Variants in TTC6 observed in about 807,000 individuals in gnomAD.
TTC6 encodes the protein tetratricopeptide repeat domain 6.
Under a neutral mutation model 210.4 loss-of-function variants are expected in TTC6, and 172 were observed. The observed-to-expected ratio is 0.82, with a 90% CI of 0.72 to 0.93. The LOEUF is 0.93. TTC6 is among the 40% of genes least tolerant of loss of function. TTC6 has a pLI of 0.00. For missense variants in TTC6, 2,414 were observed against 2,318.1 expected, an observed-to-expected ratio of 1.04 and a Z score of -0.85; for synonymous variants, 804 against 819.6, an observed-to-expected ratio of 0.98 and a Z score of 0.32.
exon 27 of TTC6, chr14:37,823,915 A>G: frequency 6.2e-7 from 1 of 1,613,996 alleles, no homozygotes; most frequent in East Asian, 2.2e-5. Context: ...ATATTAATCC[A>G]GCATACATAA....
intron 5 of TTC6, among the ~76,000 whole-genome samples, chr14:37,706,649 A>G (rs1380442213): frequency 2.6e-5 from 4 of 152,128 alleles, no homozygotes; most frequent in Non-Finnish European, 4.4e-5. Flanking sequence ...TGAAAGGGTT[A>G]GAACTAAATT....
At chr14:37,729,711 C>T (rs1272181767) in intron 7 of TTC6, among the ~76,000 whole-genome samples, 1 of 152,184 alleles carries the variant, frequency 6.6e-6, no homozygotes, top group East Asian at 1.9e-4. Context: ...CCCCTGCCTA[C>T]TCCTGCACCT....
chr14:37,721,271 G>A lies in TTC6; in HGVS notation c.1714-3627G>A, dbSNP rs2138805365. Among the ~76,000 whole-genome samples, 3 of 152,054 alleles carry A rather than the reference G, an allele frequency of 2.0e-5. 1 individual carries two copies. The Middle Eastern group carries it at 0.01, about 521-fold the overall frequency. The stretch of plus-strand genomic sequence containing the variant: ...ACTTTGAATGGCTCTTTTACTCATG[G>A]ATTATTTCAAATAACATCACACATT... On this transcript the variant is annotated intron_variant, in intron 6 of 30. Coordinates refer to ENST00000553443, the Ensembl canonical transcript of TTC6.
chr14:37,751,158 T>C, exon 13 of TTC6: 1 of 1,532,650 alleles, frequency 6.5e-7, no homozygotes, highest in Non-Finnish European at 8.7e-7. Flanking sequence ...GATGCTGATA[T>C]CTATTTCAGG....
intron 14 of TTC6, among the ~76,000 whole-genome samples, chr14:37,783,339 T>G (rs548074468): frequency 7.3e-4 from 111 of 152,310 alleles, no homozygotes; most frequent in African/African-American, 2.5e-3. Context: ...GGATTCAATT[T>G]CTTCCTGGTT....
chr14:37,629,145 A>G (rs145043987), intron 1 of TTC6, among the ~76,000 whole-genome samples: 13 of 152,294 alleles, frequency 8.5e-5, no homozygotes, highest in Admixed American at 8.5e-4. Flanking sequence ...CTTTGAAGAA[A>G]GTCAGTGGTA....
chr14:37,643,549 A>G (rs2095696154), intron 1 of TTC6, among the ~76,000 whole-genome samples: 3 of 152,086 alleles, frequency 2.0e-5, no homozygotes, highest in Admixed American at 6.6e-5. Context: ...CAGCATACTC[A>G]TCATCAGATT....
chr14:37,674,718 T>C (rs2095765186), intron 1 of TTC6, among the ~76,000 whole-genome samples: 1 of 152,174 alleles, frequency 6.6e-6, no homozygotes, highest in Non-Finnish European at 1.5e-5. Context: ...ATTTGACTTA[T>C]AAATTAATGG....
At chr14:37,674,265 C>A (rs1197891493) in intron 1 of TTC6, among the ~76,000 whole-genome samples, 1 of 151,976 alleles carries the variant, frequency 6.6e-6, no homozygotes, top group Non-Finnish European at 1.5e-5. Context: ...GTCTGAATAA[C>A]TCTACAGATT....
intron 14 of TTC6, among the ~76,000 whole-genome samples, chr14:37,785,179 G>A (rs933627380): frequency 4.6e-5 from 7 of 152,120 alleles, no homozygotes; most frequent in African/African-American, 1.7e-4. Context: ...GCCTTGCTAG[G>A]TTGGGGAAGT....
chr14:37,742,584 AT>A (rs35369139), intron 10 of TTC6, among the ~76,000 whole-genome samples: 194 of 145,904 alleles, frequency 1.3e-3, no homozygotes, highest in African/African-American at 3.6e-3. Flanking sequence ...TAATTTTTGC[AT>A]TTTTTTTTTT....
upstream of TTC6, among the ~76,000 whole-genome samples, chr14:37,618,159 A>G (rs148590700): frequency 1.4e-4 from 22 of 152,344 alleles, no homozygotes; most frequent in African/African-American, 4.3e-4. Context: ...CAGGAGAAAT[A>G]GACACAACTG....
chr14:37,762,927 C>A (rs1240997566), intron 14 of TTC6, among the ~76,000 whole-genome samples: 1 of 146,230 alleles, frequency 6.8e-6, no homozygotes, highest in African/African-American at 2.6e-5. Flanking sequence ...GTTCCCCAGG[C>A]AGGCTGGAGT....
At chr14:37,630,812 T>G (rs2095667982) in intron 1 of TTC6, among the ~76,000 whole-genome samples, 1 of 152,032 alleles carries the variant, frequency 6.6e-6, no homozygotes, top group Non-Finnish European at 1.5e-5. Flanking sequence ...TCTTGTTGCA[T>G]TGATCCCTTT....
intron 1 of TTC6, among the ~76,000 whole-genome samples, chr14:37,652,618 A>G (rs975205595): frequency 6.6e-6 from 1 of 152,108 alleles, no homozygotes. Context: ...ACCTTTTTAC[A>G]CCTCTCATTT....
At chr14:37,731,932 T>G (rs558570522) in intron 7 of TTC6, among the ~76,000 whole-genome samples, 1 of 152,248 alleles carries the variant, frequency 6.6e-6, no homozygotes, top group South Asian at 2.1e-4. Context: ...ATTGTATGCT[T>G]AATTTTTTGC....
intron 1 of TTC6, among the ~76,000 whole-genome samples, chr14:37,600,013 T>C (rs2095612582): frequency 6.6e-6 from 1 of 152,210 alleles, no homozygotes; most frequent in Non-Finnish European, 1.5e-5. Flanking sequence ...GTCTCTGCTC[T>C]GTGCTGCTGA....
chr14:37,709,825 GA>G (rs913953741), intron 5 of TTC6, among the ~76,000 whole-genome samples: 1 of 151,446 alleles, frequency 6.6e-6, no homozygotes, highest in Non-Finnish European at 1.5e-5. Flanking sequence ...AGATTTCAAA[GA>G]AAAAAATTAT....
chr14:37,751,240 A>G lies in TTC6; in HGVS notation c.3129+15A>G, dbSNP rs556177644. ...ACTTTTCGAAAGTAAGCTTTATCACATATAATTCTACCATTTATATAGTTT... is the reference window on the plus strand; with the variant it reads ...ACTTTTCGAAAGTAAGCTTTATCACGTATAATTCTACCATTTATATAGTTT... On this transcript the variant is annotated intron_variant, in intron 13 of 30. Coordinates refer to ENST00000553443, the Ensembl canonical transcript of TTC6. The G allele has an allele frequency of 8.0e-6, 12 of 1,508,216 alleles. No homozygotes were observed. Among genetic ancestry groups the G allele is most frequent in the Non-Finnish European group, 1.1e-5 (12 of 1,132,214 alleles). 93.4% of individuals were successfully genotyped at this position (1,508,216 alleles called of 1,614,324 possible).
Sources: gnomAD v4.1 joint callset for allele counts (sites outside exome capture counted in the v4.1 genomes callset) on GRCh38, gnomAD v4.1.1 for gene constraint, MANE v1.5 for transcripts, NCBI Gene and HGNC (gene_info 2026-07-23, HGNC 2026-07-21) for gene names.